The following TMX3 variants were observed in gnomAD, a reference collection of about 807,000 sequenced individuals.
The protein encoded by TMX3 is thioredoxin related transmembrane protein 3.
In TMX3, 40 loss-of-function variants were observed where a neutral mutation model predicts 64.4. The observed-to-expected ratio is 0.62, with a 90% CI of 0.48 to 0.81. The LOEUF (loss-of-function observed/expected upper bound fraction) is 0.81, where lower values mean the gene tolerates loss of function less well. Ranked by LOEUF, TMX3 falls within the 30% of genes least tolerant of loss-of-function variation. The pLI, the probability that TMX3 is intolerant of heterozygous loss-of-function variation, is 0.00. For missense variants in TMX3, 497 were observed against 534.5 expected, an observed-to-expected ratio of 0.93 and a Z score of 0.69; for synonymous variants, 189 against 175.7, an observed-to-expected ratio of 1.08 and a Z score of -0.60.
intron 4 of TMX3, among the ~76,000 whole-genome samples, chr18:68,705,961 A>AT (rs1243175037): frequency 6.6e-6 from 1 of 152,250 alleles, no homozygotes; most frequent in Non-Finnish European, 1.5e-5. Flanking sequence ...AGAAATGTAT[A>AT]TAAACTTGAT....
At chr18:68,692,006 T>C (rs1020961638) in intron 8 of TMX3, among the ~76,000 whole-genome samples, 3 of 151,898 alleles carry the variant, frequency 2.0e-5, no homozygotes, top group Admixed American at 6.6e-5. Context: ...AGTAAATGAG[T>C]AGATAATGAA....
Position 68,679,529 on chromosome 18 carries a change from G to T in TMX3, c.1038C>A (p.Ala346=). The change falls in exon 15 of 16, where the codon GCC becomes GCA. Residue 346 remains alanine (A), a splice_region_variant and synonymous_variant. Transcript: ENST00000299608. ...INNILDGTVE[A]QGGDSILQRL... is the part of the protein sequence containing the mutation. ...TCTGCAAAATGCTATCACCTCCTTG[G>T]GCCTTCAAAAAAGGAAAAGAAAAAT... The T allele has an allele frequency of 6.2e-7, 1 of 1,608,164 alleles. No individual in the cohort carries two copies. The highest frequency in any genetic ancestry group is 8.5e-7 in the Non-Finnish European group (1 of 1,177,810).
At chr18:68,698,928 A>C (rs773320445) in intron 6 of TMX3, among the ~76,000 whole-genome samples, 1 of 151,080 alleles carries the variant, frequency 6.6e-6, no homozygotes, top group African/African-American at 2.4e-5. Flanking sequence ...AGGTTGAGGC[A>C]GGAGAATGGC....
At chr18:68,699,538 T>A (rs2145092031) in intron 6 of TMX3, among the ~76,000 whole-genome samples, 1 of 152,290 alleles carries the variant, frequency 6.6e-6, no homozygotes, top group African/African-American at 2.4e-5. Flanking sequence ...TTGTCTCAAA[T>A]AATTTGAGAC....
intron 12 of TMX3, 50 bp from the exon 13 acceptor site, chr18:68,683,031 G>GGA (rs150451307): frequency 2.1e-5 from 32 of 1,509,194 alleles, no homozygotes; most frequent in Middle Eastern, 1.7e-4. Context: ...GGGGGTGGGG[G>GGA]GAGAGAGAGA....
chr18:68,677,968 G>C (rs374814083), intron 15 of TMX3, among the ~76,000 whole-genome samples: 59 of 152,150 alleles, frequency 3.9e-4, no homozygotes, highest in African/African-American at 1.3e-3. Flanking sequence ...AAACCAACGA[G>C]GAAAATACTT....
intron 2 of TMX3, among the ~76,000 whole-genome samples, chr18:68,712,703 C>T (rs1048241017): frequency 1.3e-5 from 2 of 152,056 alleles, no homozygotes; most frequent in Non-Finnish European, 2.9e-5. Flanking sequence ...TGACACACCC[C>T]ACAAGGCACT....
chr18:68,690,058 CAA>C (rs1366412426), intron 9 of TMX3: 1 of 152,096 alleles, frequency 6.6e-6, no homozygotes, highest in East Asian at 1.9e-4. Flanking sequence ...TTATGACTGT[CAA>C]AACAATTAAA....
chr18:68,700,631 G>T, intron 5 of TMX3, 146 bp from the exon 6 acceptor site: 1 of 1,052,180 alleles, frequency 9.5e-7, no homozygotes, highest in Non-Finnish European at 1.2e-6. Flanking sequence ...TGTAAAATAT[G>T]GTAGACATTA....
intron 4 of TMX3, among the ~76,000 whole-genome samples, chr18:68,702,221 GTTTT>G (rs939605531): frequency 3.3e-5 from 4 of 120,346 alleles, no homozygotes; most frequent in Non-Finnish European, 6.7e-5. Context: ...TTCTTTTAGT[GTTTT>G]TTGAGTTTTC....
At chr18:68,702,555 C>T (rs17062017) in intron 4 of TMX3, among the ~76,000 whole-genome samples, 5,697 of 152,072 alleles carry the variant, frequency 0.037, 365 homozygotes, top group African/African-American at 0.13. Context: ...AGACAAAACG[C>T]CACCAGGACA....
chr18:68,714,661 C>T (rs746117991), intron 1 of TMX3, among the ~76,000 whole-genome samples: 3 of 152,236 alleles, frequency 2.0e-5, no homozygotes, highest in Non-Finnish European at 4.4e-5. Flanking sequence ...TTTATTGAAA[C>T]TTCTGCCACA....
At chr18:68,699,760 T>TA (rs897120967) in intron 6 of TMX3, among the ~76,000 whole-genome samples, 18 of 152,248 alleles carry the variant, frequency 1.2e-4, no homozygotes, top group Non-Finnish European at 2.2e-4. Context: ...AATGTAGATT[T>TA]AAAAAAATCA....
chr18:68,694,554 A>G (rs544707153), intron 8 of TMX3, among the ~76,000 whole-genome samples: 2 of 152,308 alleles, frequency 1.3e-5, no homozygotes, highest in South Asian at 2.1e-4. Context: ...CTGGGCCGGT[A>G]GCATGAGCCA....
intron 4 of TMX3, 105 bp from the exon 5 acceptor site, chr18:68,701,895 T>C (rs1210527414): frequency 4.9e-6 from 4 of 812,638 alleles, no homozygotes; most frequent in Middle Eastern, 3.7e-4. Flanking sequence ...ATACAACCCA[T>C]ATAGATACGT....
In TMX3 at chr18:68,689,512, GA is replaced by G. The variant is rs11424022; in HGVS notation, c.638-1748del. On this transcript the variant is annotated intron_variant, in intron 9 of 15. Coordinates refer to ENST00000299608, the MANE Select transcript of TMX3 (RefSeq NM_019022.5). ...TGATATCATTGATTATTTTATCGTGGAAAAAAAATCTCTTTAATCCTGTTTC... is the reference window on the plus strand; with the variant it reads ...TGATATCATTGATTATTTTATCGTGGAAAAAAATCTCTTTAATCCTGTTTC... Among the ~76,000 whole-genome samples, 10 of 151,152 alleles carry G rather than the reference GA, an allele frequency of 6.6e-5. No homozygotes were observed. In the South Asian group the frequency reaches 1.5e-3, roughly 22 times the overall value.
chr18:68,687,539 C>A, intron 10 of TMX3, 128 bp downstream of exon 10: 2 of 1,446,720 alleles, frequency 1.4e-6, no homozygotes. Flanking sequence ...AAAGAACTGG[C>A]ATTCAGATCT....
chr18:68,675,961 T>C lies in TMX3; in HGVS notation c.*972A>G, dbSNP rs1264844780. 1.3e-5 allele frequency: 2 copies of C among 152,150 alleles called. No individual in the cohort carries two copies. The highest frequency in any genetic ancestry group is 6.6e-5 in the Admixed American group (1 of 15,264). The allele number at this position is 152,150 out of a possible 1,614,324, so 9.4% of individuals were successfully genotyped here. On this transcript the variant is annotated 3_prime_UTR_variant, in exon 16 of 16. Coordinates refer to ENST00000299608, the MANE Select transcript of TMX3 (RefSeq NM_019022.5). Reference sequence around the variant, plus strand: ...CGGACAGGTCTACAGCATTACATAATAGATGTGTCAATAAACTGTGTGTGT... The same window carrying C: ...CGGACAGGTCTACAGCATTACATAACAGATGTGTCAATAAACTGTGTGTGT...
chr18:68,709,881 ATAAAG>A (rs1374816761), intron 4 of TMX3, 135 bp downstream of exon 4: 5 of 708,264 alleles, frequency 7.1e-6, no homozygotes, highest in Non-Finnish European at 8.4e-6. Context: ...CATTTAACTC[ATAAAG>A]TATACAGTCT....
Sources: gnomAD v4.1 joint callset for allele counts (sites outside exome capture counted in the v4.1 genomes callset) on GRCh38, gnomAD v4.1.1 for gene constraint, MANE v1.5 for transcripts, NCBI Gene and HGNC (gene_info 2026-07-23, HGNC 2026-07-21) for gene names.